Variants in FAM168B observed in about 807,000 individuals in gnomAD.
The protein encoded by FAM168B is family with sequence similarity 168 member B, also known as myelin-associated neurite-outgrowth inhibitor.
Under a neutral mutation model 21.8 loss-of-function variants are expected in FAM168B, and 19 were observed. That is an observed-to-expected ratio of 0.87 (90% CI 0.61 to 1.28). The LOEUF is 1.28. Ranked by LOEUF, FAM168B falls within the 50% of genes most tolerant of loss-of-function variation. The pLI is 0.00. For synonymous variants in FAM168B, 126 were observed against 104.8 expected, an observed-to-expected ratio of 1.20 and a Z score of -1.24; for missense variants, 233 against 263.1, an observed-to-expected ratio of 0.89 and a Z score of 0.79.
chr2:131,049,301 G>A lies in FAM168B; in HGVS notation c.*3164C>T. ...GAAGGGCAAGACACTCACTGACCAG[G>A]TGCCCACCCCAAGGCTCAGGACCAC... On this transcript the variant is annotated 3_prime_UTR_variant, in exon 7 of 7. Transcript: ENST00000389915. The A allele has an allele frequency of 4.1e-6, 4 of 985,486 alleles. No homozygotes were observed. Among genetic ancestry groups the A allele is most frequent in the Middle Eastern group, 5.2e-4 (1 of 1,914 alleles). The allele number at this position is 985,486 out of a possible 1,614,324, so 61.0% of individuals were successfully genotyped here.
chr2:131,085,331 C>T (rs1267207514), intron 1 of FAM168B, among the ~76,000 whole-genome samples: 3 of 152,112 alleles, frequency 2.0e-5, no homozygotes, highest in Non-Finnish European at 4.4e-5. Flanking sequence ...CATTTTATGT[C>T]TGTCTTCCCC....
chr2:131,054,957 C>T (rs559858254), intron 5 of FAM168B, among the ~76,000 whole-genome samples: 3 of 152,272 alleles, frequency 2.0e-5, no homozygotes, highest in South Asian at 2.1e-4. Flanking sequence ...AACCCCGGTA[C>T]ACAAAGTGTC....
chr2:131,055,222 C>G, intron 5 of FAM168B, 50 bp downstream of exon 5: 2 of 1,422,918 alleles, frequency 1.4e-6, no homozygotes, highest in South Asian at 3.4e-5. Flanking sequence ...CTCCCCTCCC[C>G]CAGCTCTAGG....
At position 131,071,776 on chromosome 2, in the gene FAM168B, A is replaced by T. The variant is rs1692881274; in HGVS notation, c.154+79T>A. ...CGACTCAACCAAGTCCTAATTCTATACCCACCCCTCTCAAAATCCACCCCT... is the reference window on the plus strand; with the variant it reads ...CGACTCAACCAAGTCCTAATTCTATTCCCACCCCTCTCAAAATCCACCCCT... On this transcript the variant is annotated intron_variant, in intron 3 of 6. Transcript: ENST00000389915. 4 of 1,224,030 alleles carry T rather than the reference A, an allele frequency of 3.3e-6. No individual in the cohort carries two copies. The East Asian group carries it at 7.0e-5, about 21-fold the overall frequency. 75.8% of individuals were successfully genotyped at this position (1,224,030 alleles called of 1,614,324 possible).
At chr2:131,052,691 C>T (rs1691757340) in intron 6 of FAM168B, among the ~76,000 whole-genome samples, 200 bp downstream of exon 6, 1 of 152,158 alleles carries the variant, frequency 6.6e-6, no homozygotes, top group South Asian at 2.1e-4. Flanking sequence ...ACAGTGTCAA[C>T]AGTAGGTATT....
chr2:131,056,981 T>C (rs180789012), intron 3 of FAM168B, among the ~76,000 whole-genome samples: 81 of 152,296 alleles, frequency 5.3e-4, no homozygotes, highest in Admixed American at 5.2e-3. Context: ...TACAGCTGTG[T>C]ATGACTGTCC....
chr2:131,055,822 G>T, intron 3 of FAM168B, 127 bp from the exon 4 acceptor site: 2 of 1,101,644 alleles, frequency 1.8e-6, no homozygotes, highest in Non-Finnish European at 2.6e-6. Context: ...TGCCACTGCC[G>T]CCCCCACTCT....
At position 131,050,268 on chromosome 2, in the gene FAM168B, C is replaced by A. The variant is rs928708385; in HGVS notation, c.*2197G>T. On this transcript the variant is annotated 3_prime_UTR_variant, in exon 7 of 7. Coordinates refer to ENST00000389915, the MANE Select transcript of FAM168B (RefSeq NM_001009993.4). ...TCACAGGAGTTGTACATGTATGTTT[C>A]CATTTTGTTGTGTGGGGCTTTTTAA... 9 of 985,292 alleles carry A rather than the reference C, an allele frequency of 9.1e-6. No individual in the cohort carries two copies. Among genetic ancestry groups the A allele is most frequent in the Non-Finnish European group, 9.6e-6 (8 of 829,940 alleles). The allele number at this position is 985,292 out of a possible 1,614,324, so 61.0% of individuals were successfully genotyped here. A position where few individuals can be genotyped will look rare whatever the true frequency, so the allele number is the denominator to read the frequency against.
At chr2:131,058,874 A>T (rs931145617) in intron 3 of FAM168B, among the ~76,000 whole-genome samples, 1 of 152,232 alleles carries the variant, frequency 6.6e-6, no homozygotes, top group African/African-American at 2.4e-5. Context: ...CAATTACGCC[A>T]CAACGAGGTT....
At chr2:131,075,747 CA>C (rs561237951) in intron 2 of FAM168B, among the ~76,000 whole-genome samples, 1 of 152,156 alleles carries the variant, frequency 6.6e-6, no homozygotes, top group Non-Finnish European at 1.5e-5. Flanking sequence ...CCCGGCCTCC[CA>C]AAGTGCTGGG....
intron 2 of FAM168B, among the ~76,000 whole-genome samples, chr2:131,079,806 A>G (rs1380598887): frequency 6.6e-6 from 1 of 152,134 alleles, no homozygotes; most frequent in Non-Finnish European, 1.5e-5. Flanking sequence ...AAATTCACTA[A>G]CAGACTTGTG....
chr2:131,079,042 A>C (rs559706173), intron 2 of FAM168B, among the ~76,000 whole-genome samples: 43 of 152,106 alleles, frequency 2.8e-4, no homozygotes, highest in South Asian at 1.0e-3. Context: ...TTTATCTTTA[A>C]AGTGCTGAGA....
At chr2:131,069,425 C>T (rs369607821) in intron 3 of FAM168B, among the ~76,000 whole-genome samples, 1 of 151,956 alleles carries the variant, frequency 6.6e-6, no homozygotes, top group East Asian at 1.9e-4. Context: ...GTAAAACCTA[C>T]AAGTGTAAAA....
chr2:131,057,429 G>A (rs1252555255), intron 3 of FAM168B, among the ~76,000 whole-genome samples: 2 of 152,160 alleles, frequency 1.3e-5, no homozygotes, highest in South Asian at 2.1e-4. Flanking sequence ...CAATGATCCC[G>A]TTTATTCCCT....
At chr2:131,066,292 C>T (rs1692554312) in intron 3 of FAM168B, among the ~76,000 whole-genome samples, 1 of 151,970 alleles carries the variant, frequency 6.6e-6, no homozygotes, top group African/African-American at 2.4e-5. Context: ...TCTTCTGCCT[C>T]AACCTCCCGA....
At chr2:131,052,849 C>A in intron 6 of FAM168B, 42 bp downstream of exon 6, 1 of 1,542,766 alleles carries the variant, frequency 6.5e-7, no homozygotes, top group Non-Finnish European at 8.8e-7. Context: ...CATGGAAATG[C>A]CCTTTCATCA....
chr2:131,079,173 G>C (rs1451118262), intron 2 of FAM168B, among the ~76,000 whole-genome samples: 2 of 151,438 alleles, frequency 1.3e-5, no homozygotes, highest in Non-Finnish European at 2.9e-5. Flanking sequence ...CCAATGACAA[G>C]TGTCCTTATA....
At chr2:131,082,754 T>G (rs1405027349) in intron 1 of FAM168B, 97 bp from the exon 2 acceptor site, 8 of 706,128 alleles carry the variant, frequency 1.1e-5, no homozygotes, top group Non-Finnish European at 1.9e-5. Context: ...GTCCTTTCTC[T>G]AGGCTGCTAT....
At position 131,065,650 on chromosome 2, in the gene FAM168B, G is replaced by A. The variant is rs190494587; in HGVS notation, c.154+6205C>T. On this transcript the variant is annotated intron_variant, in intron 3 of 6. Coordinates refer to ENST00000389915, the MANE Select transcript of FAM168B (RefSeq NM_001009993.4). ...ACTAACAATACAAAAATTAGCCGGC[G>A]TGGTGGAGAGCGCCTGTAATTCCAG... 3.2e-3 allele frequency among the ~76,000 whole-genome samples: 479 copies of A among 152,026 alleles called. 2 individuals carry two copies. The highest frequency in any genetic ancestry group is 4.8e-3 in the Non-Finnish European group (323 of 67,972).
Sources: allele counts gnomAD v4.1 joint callset (sites outside exome capture counted in the v4.1 genomes callset), GRCh38; gene constraint gnomAD v4.1.1; transcripts MANE v1.5; gene names NCBI Gene and HGNC (gene_info 2026-07-23, HGNC 2026-07-21).